Variants in FAT3 observed in about 807,000 individuals in gnomAD.
FAT3 encodes the protein protocadherin Fat 3.
Under a neutral mutation model 310.2 loss-of-function variants are expected in FAT3, and 95 were observed. That is an observed-to-expected ratio of 0.31 (90% CI 0.26 to 0.36). FAT3 has a LOEUF of 0.36. FAT3 is among the 10% of genes least tolerant of loss of function. The pLI is 1.00. For synonymous variants in FAT3, 2,314 were observed against 2,192.9 expected, an observed-to-expected ratio of 1.06 and a Z score of -1.54; for missense variants, 5,408 against 5,715.6, an observed-to-expected ratio of 0.95 and a Z score of 1.74.
Position 92,799,135 on chromosome 11 carries a change from C to G in FAT3, c.6122C>G (p.Pro2041Arg), listed in dbSNP as rs892330333. 3 of 1,613,864 alleles carry G rather than the reference C, an allele frequency of 1.9e-6. No individual in the cohort carries two copies. Among genetic ancestry groups the G allele is most frequent in the Non-Finnish European group, 2.5e-6 (3 of 1,179,866 alleles). ...TSGVIQTTGVPFDREEQELYE... is the reference protein window; with the variant it reads ...TSGVIQTTGVRFDREEQELYE... ...GGGGTCATTCAGACGACTGGAGTCC[C>G]CTTTGACCGTGAAGAACAAGAGTTA... Residue 2041 changes from proline to arginine, a missense_variant, in exon 10 of 28, where the codon CCC (proline) becomes CGC (arginine). Coordinates refer to ENST00000525166, the MANE Select transcript of FAT3 (RefSeq NM_001367949.2).
At position 92,265,414 on chromosome 11, in the gene FAT3, G is replaced by A. The variant is rs766557523; in HGVS notation, c.-18+40240G>A. Among the ~76,000 whole-genome samples the A allele has an allele frequency of 2.0e-4, 31 of 152,000 alleles. 1 individual carries two copies. The highest frequency in any genetic ancestry group is 7.9e-4 in the Admixed American group (12 of 15,260). ...AGATAAATTGGTGAATGGGGAAGAC[G>A]TCTTTTTCTGTCTTCACAGCATCCC... On this transcript the variant is annotated intron_variant, in intron 1 of 27. Transcript: ENST00000525166.
intron 12 of FAT3, among the ~76,000 whole-genome samples, chr11:92,807,705 G>A (rs1947544292): frequency 6.6e-6 from 1 of 152,040 alleles, no homozygotes; most frequent in African/African-American, 2.4e-5. Flanking sequence ...AAACTTTCTT[G>A]CCTAGTTTCT....
intron 6 of FAT3, among the ~76,000 whole-genome samples, chr11:92,769,694 A>C (rs568082094): frequency 6.6e-6 from 1 of 152,360 alleles, no homozygotes; most frequent in South Asian, 2.1e-4. Flanking sequence ...CGCCTACTGT[A>C]AGGCTGCTCT....
chr11:92,840,636 CT>C lies in FAT3; in HGVS notation c.10447del (p.Ser3483HisfsTer106). 1 of 1,613,010 alleles carries C rather than the reference CT, an allele frequency of 6.2e-7. No homozygotes were observed. The highest frequency in any genetic ancestry group is 8.5e-7 in the Non-Finnish European group (1 of 1,179,070). On this transcript the variant is annotated frameshift_variant, in exon 18 of 28. Transcript: ENST00000525166. LOFTEE classifies it high-confidence loss of function. ...GAGACTCCTTTCACAATGGGCCTCC[CT>C]TTTCATTCTCTATTTTGTCGGGAAA... ...DRDSFHNGPP[F>X]SFSILSGNEE...
intron 1 of FAT3, among the ~76,000 whole-genome samples, chr11:92,344,996 A>G (rs1439302104): frequency 1.3e-5 from 2 of 152,132 alleles, no homozygotes; most frequent in East Asian, 1.9e-4. Context: ...AGGAAGTTCT[A>G]CTTTAAGAAA....
At chr11:92,810,584 GATTTTTTAAACTGCCATTTTACAAAGC>G (rs1236455420) in intron 13 of FAT3, among the ~76,000 whole-genome samples, 2 of 152,106 alleles carry the variant, frequency 1.3e-5, no homozygotes, top group East Asian at 3.9e-4. Context: ...GTCCAACGTG[GATTTTTTAAACTGCCATTTTACAAAGC>G]ATTTTTGTCA....
intron 3 of FAT3, among the ~76,000 whole-genome samples, chr11:92,632,127 C>T (rs936153137): frequency 2.6e-5 from 4 of 152,176 alleles, no homozygotes; most frequent in South Asian, 2.1e-4. Flanking sequence ...TCAGCCACTC[C>T]TTCTAAAAGA....
intron 1 of FAT3, among the ~76,000 whole-genome samples, chr11:92,243,618 G>C (rs1195455932): frequency 6.6e-6 from 1 of 152,010 alleles, no homozygotes; most frequent in Non-Finnish European, 1.5e-5. Flanking sequence ...AAAGCATACT[G>C]GTTAATAGAA....
chr11:92,416,667 A>C (rs374423047), intron 2 of FAT3, among the ~76,000 whole-genome samples: 2 of 152,328 alleles, frequency 1.3e-5, no homozygotes, highest in East Asian at 3.9e-4. Flanking sequence ...ATGTGAAAAC[A>C]GTTCAAATAG....
intron 4 of FAT3, among the ~76,000 whole-genome samples, chr11:92,745,582 GAAAA>G (rs58851230): frequency 8.1e-6 from 1 of 122,970 alleles, no homozygotes; most frequent in Non-Finnish European, 1.7e-5. Context: ...TCTCTGCAGG[GAAAA>G]AAAAAAAAAA....
chr11:92,641,779 C>T (rs1439038277), intron 3 of FAT3, among the ~76,000 whole-genome samples: 1 of 152,160 alleles, frequency 6.6e-6, no homozygotes, highest in East Asian at 1.9e-4. Context: ...TTGGGGGTAC[C>T]CCCTGCAAAC....
In FAT3 at chr11:92,466,886, T is replaced by C. The variant is rs539029401; in HGVS notation, c.3293-57748T>C. 5.3e-3 allele frequency among the ~76,000 whole-genome samples: 810 copies of C among 151,776 alleles called. 11 individuals carry two copies. The highest frequency in any genetic ancestry group is 0.018 in the African/African-American group (742 of 41,394). On this transcript the variant is annotated intron_variant, in intron 2 of 27. Transcript: ENST00000525166. ...CTGAGAATGATGATTTCCAATTTCA[T>C]CCATGTCCCTACAAAGGACATGAAC...
chr11:92,732,519 C>G (rs1318178397), intron 4 of FAT3, among the ~76,000 whole-genome samples: 4 of 152,040 alleles, frequency 2.6e-5, no homozygotes, highest in Middle Eastern at 3.2e-3. Context: ...TAATGATAAA[C>G]CTCTTCACAG....
rs1276447976 is a variant in FAT3 at position 92,352,318 on chromosome 11, G to GC, written c.207dup (p.Ile70HisfsTer41). 1 of 1,545,268 alleles carries GC rather than the reference G, an allele frequency of 6.5e-7. No individual in the cohort carries two copies. On this transcript the variant is annotated frameshift_variant, in exon 2 of 28. Transcript: ENST00000525166. LOFTEE classifies it high-confidence loss of function. The stretch of plus-strand genomic sequence containing the variant: ...TACGTCAACAGCCAGAGTAGAATGG[G>GC]CATCACCTTAATAGATCTATCCTGG...
At chr11:92,577,793 G>GA (rs974421140) in intron 3 of FAT3, among the ~76,000 whole-genome samples, 25 of 151,448 alleles carry the variant, frequency 1.7e-4, no homozygotes, top group African/African-American at 5.1e-4. Context: ...TATTCCAAAG[G>GA]AAAAAAAATA....
chr11:92,529,886 G>A (rs1470375395), intron 3 of FAT3, among the ~76,000 whole-genome samples: 1 of 152,124 alleles, frequency 6.6e-6, no homozygotes, highest in African/African-American at 2.4e-5. Context: ...CTTTCTGTGA[G>A]CATCTTGAAA....
At chr11:92,769,346 A>G (rs1333722657) in intron 6 of FAT3, among the ~76,000 whole-genome samples, 1 of 152,250 alleles carries the variant, frequency 6.6e-6, no homozygotes, top group Non-Finnish European at 1.5e-5. Context: ...TAAAAGGGAA[A>G]GAAAGTGAAG....
chr11:92,367,636 A>C (rs746667099), intron 2 of FAT3, among the ~76,000 whole-genome samples: 43 of 152,204 alleles, frequency 2.8e-4, no homozygotes, highest in East Asian at 5.8e-4. Context: ...GCCTCCAAAA[A>C]AACAACAACA....
chr11:92,495,967 C>A (rs774547797), intron 2 of FAT3, among the ~76,000 whole-genome samples: 3 of 152,024 alleles, frequency 2.0e-5, no homozygotes, highest in Non-Finnish European at 4.4e-5. Flanking sequence ...ATTTTGGTAA[C>A]CTGCAAAATC....
Sources: gnomAD v4.1 joint callset for allele counts (sites outside exome capture counted in the v4.1 genomes callset) on GRCh38, gnomAD v4.1.1 for gene constraint, MANE v1.5 for transcripts, NCBI Gene and HGNC (gene_info 2026-07-23, HGNC 2026-07-21) for gene names.